The following SCAND3 variants were observed in gnomAD, a reference collection of about 807,000 sequenced individuals.
The protein encoded by SCAND3 is SCAN domain-containing protein 3.
chr6:28,595,344 AAAAAAAAAAAAGAAG>A, the SCAND3 span, among the ~76,000 whole-genome samples: 2 of 148,250 alleles, frequency 1.3e-5, no homozygotes, highest in Non-Finnish European at 3.0e-5. Context: ...AAAAAAAAAA[AAAAAAAAAAAAGAAG>A]AAGAAGAAGA....
At chr6:28,572,099 C>T in the SCAND3 span, 1 of 1,613,996 alleles carries the variant, frequency 6.2e-7, no homozygotes, top group South Asian at 1.1e-5. This position sits in a 1 kb window ranked among gnomAD's most constrained non-coding sequence, Gnocchi z 4.1. Flanking sequence ...AATTTTAAAG[C>T]AATCTCAGCA....
At chr6:28,610,641 T>C in the SCAND3 span, among the ~76,000 whole-genome samples, 1 of 152,200 alleles carries the variant, frequency 6.6e-6, no homozygotes, top group Non-Finnish European at 1.5e-5. Flanking sequence ...TGATGTGTCC[T>C]TCTAGGTCCT....
At chr6:28,571,690 A>G in the SCAND3 span, 1 of 433,148 alleles carries the variant, frequency 2.3e-6, no homozygotes, top group African/African-American at 2.1e-5. Context: ...AATAAATACG[A>G]CAAATATGAG....
At chr6:28,571,849 T>C in the SCAND3 span, 1 of 1,555,328 alleles carries the variant, frequency 6.4e-7, no homozygotes, top group African/African-American at 1.4e-5. Context: ...AGCAAATTCC[T>C]CACACTCAAT....
At chr6:28,575,590 C>G in the SCAND3 span, 2 of 1,614,090 alleles carry the variant, frequency 1.2e-6, no homozygotes, top group Non-Finnish European at 1.7e-6. This position sits in a 1 kb window ranked among gnomAD's most constrained non-coding sequence, Gnocchi z 4.2. Context: ...GCATCTTGAA[C>G]TAACTTCCTT....
chr6:28,577,127 T>C, the SCAND3 span, among the ~76,000 whole-genome samples: 55 of 152,302 alleles, frequency 3.6e-4, no homozygotes, highest in South Asian at 2.7e-3. Context: ...ATAAGAGTAC[T>C]GGATGAGTCA....
the SCAND3 span, chr6:28,594,344 T>C: frequency 6.6e-6 from 1 of 152,338 alleles, no homozygotes; most frequent in African/African-American, 2.4e-5. Flanking sequence ...GTGTCCATCA[T>C]CAGATGGATA....
chr6:28,595,853 A>T, the SCAND3 span, among the ~76,000 whole-genome samples: 24 of 152,336 alleles, frequency 1.6e-4, no homozygotes, highest in African/African-American at 5.3e-4. Context: ...ATTCAAGAAC[A>T]TCCCATCCCC....
the SCAND3 span, among the ~76,000 whole-genome samples, chr6:28,605,138 T>C: frequency 6.6e-6 from 1 of 152,326 alleles, no homozygotes; most frequent in East Asian, 1.9e-4. Flanking sequence ...CACTCCTCTG[T>C]TGGTCCAAGT....
chr6:28,600,038 C>G, the SCAND3 span, among the ~76,000 whole-genome samples: 3 of 151,330 alleles, frequency 2.0e-5, no homozygotes, highest in Admixed American at 6.6e-5. Context: ...GAATTTCTAG[C>G]AAATAACATA....
the SCAND3 span, chr6:28,586,683 G>A: frequency 6.2e-7 from 1 of 1,613,942 alleles, no homozygotes; most frequent in Non-Finnish European, 8.5e-7. The surrounding 1 kb of genome is among the most constrained non-coding windows in gnomAD (Gnocchi z 4.4). Context: ...AGCCTGGCCA[G>A]CCAAGGCTGG....
chr6:28,611,257 T>C, the SCAND3 span, among the ~76,000 whole-genome samples: 17 of 152,340 alleles, frequency 1.1e-4, no homozygotes, highest in African/African-American at 2.4e-4. Flanking sequence ...TTTCTAAAGA[T>C]GTTTACTGAA....
chr6:28,586,647 T>G, the SCAND3 span: 1 of 1,614,158 alleles, frequency 6.2e-7, no homozygotes, highest in Non-Finnish European at 8.5e-7. This position sits in a 1 kb window ranked among gnomAD's most constrained non-coding sequence, Gnocchi z 4.4. Context: ...AACCTTTACT[T>G]TGATAATCTC....
the SCAND3 span, chr6:28,574,726 A>G: frequency 3.1e-6 from 5 of 1,614,054 alleles, no homozygotes; most frequent in Non-Finnish European, 4.2e-6. Flanking sequence ...ACTTCTTTGA[A>G]TCTCATCATG....
chr6:28,581,558 A>G, the SCAND3 span, among the ~76,000 whole-genome samples: 3 of 152,316 alleles, frequency 2.0e-5, no homozygotes, highest in South Asian at 4.1e-4. Context: ...CAGGGACCCT[A>G]GCTGTCTTCA....
chr6:28,588,321 T>G, the SCAND3 span, among the ~76,000 whole-genome samples: 2 of 152,228 alleles, frequency 1.3e-5, no homozygotes, highest in African/African-American at 2.4e-5. This position sits in a 1 kb window ranked among gnomAD's most constrained non-coding sequence, Gnocchi z 4.1. Context: ...TTTCTCATTC[T>G]GCAAGGCAGT....
chr6:28,583,330 C>A, the SCAND3 span, among the ~76,000 whole-genome samples: 1 of 151,966 alleles, frequency 6.6e-6, no homozygotes, highest in South Asian at 2.1e-4. Flanking sequence ...TGCAGTGAGC[C>A]GAGATCGTGC....
chr6:28,574,222 T>C, the SCAND3 span, among the ~76,000 whole-genome samples: 1 of 152,214 alleles, frequency 6.6e-6, no homozygotes, highest in African/African-American at 2.4e-5. Flanking sequence ...TTAATTTTTA[T>C]ATTTATTTCC....
the SCAND3 span, among the ~76,000 whole-genome samples, chr6:28,605,696 A>AG: frequency 6.7e-6 from 1 of 148,666 alleles, no homozygotes; most frequent in Non-Finnish European, 1.5e-5. Flanking sequence ...AAAAAAAAAA[A>AG]TTAGCCAGGC....
Sources: gnomAD v4.1 joint callset for allele counts (sites outside exome capture counted in the v4.1 genomes callset) on GRCh38, gnomAD v4.1.1 for gene constraint, Gnocchi (gnomAD v3.1) non-coding constraint, MANE v1.5 for transcripts, NCBI Gene and HGNC (gene_info 2026-07-23, HGNC 2026-07-21) for gene names.